Variants in DNAH11 observed in about 807,000 individuals in gnomAD.
The protein encoded by DNAH11 is dynein axonemal heavy chain 11.
A neutral mutation model predicts 526.0 loss-of-function variants in DNAH11; 442 were observed. That is an observed-to-expected ratio of 0.84 (90% CI 0.78 to 0.91). DNAH11 has a LOEUF of 0.91. DNAH11 is among the 40% of genes least tolerant of loss of function. The probability of loss-of-function intolerance (pLI) is 0.00; values close to 1 mark genes in which losing one functional copy is unlikely to be tolerated. For missense variants in DNAH11, 6,989 were observed against 5,448.7 expected (o/e 1.28, Z -8.90); for synonymous variants, 2,461 against 1,935.9 (o/e 1.27, Z -7.12).
chr7:21,847,360 C>G (rs1051170733), intron 66 of DNAH11, among the ~76,000 whole-genome samples: 4 of 152,136 alleles, frequency 2.6e-5, no homozygotes, highest in African/African-American at 7.2e-5. Context: ...TTTGCTGAAT[C>G]TCACAAATTT....
chr7:21,674,240 C>T (rs1583582606), intron 30 of DNAH11, among the ~76,000 whole-genome samples: 1 of 151,658 alleles, frequency 6.6e-6, no homozygotes, highest in Admixed American at 6.6e-5. Flanking sequence ...ATTTTTAGTA[C>T]AGACGAGGCT....
chr7:21,649,197 A>C (rs1787510065), intron 28 of DNAH11, among the ~76,000 whole-genome samples: 1 of 152,238 alleles, frequency 6.6e-6, no homozygotes, highest in South Asian at 2.1e-4. Context: ...CACCAGTATT[A>C]TAAGTTAGTA....
intron 42 of DNAH11, among the ~76,000 whole-genome samples, chr7:21,713,488 T>G (rs986361427): frequency 6.6e-6 from 1 of 152,184 alleles, no homozygotes. Flanking sequence ...ATTAAGGTTC[T>G]TTCCTTCCAG....
At chr7:21,628,943 A>G (rs373669735) in intron 25 of DNAH11, among the ~76,000 whole-genome samples, 1 of 151,884 alleles carries the variant, frequency 6.6e-6, no homozygotes, top group Non-Finnish European at 1.5e-5. Flanking sequence ...CCTTTTGCTA[A>G]TGTTCACTTG....
chr7:21,561,027 G>A (rs72655976), intron 4 of DNAH11, 44 bp from the exon 5 acceptor site: 18 of 1,331,276 alleles, frequency 1.4e-5, no homozygotes, highest in South Asian at 2.6e-5. Flanking sequence ...TTTAGTAATC[G>A]AGTTTATATT....
chr7:21,561,206 A>C (rs1246574377), intron 5 of DNAH11, 36 bp downstream of exon 5: 11 of 1,449,732 alleles, frequency 7.6e-6, no homozygotes, highest in Non-Finnish European at 9.5e-6. Context: ...CATCAATATC[A>C]CCATCTGCTC....
intron 9 of DNAH11, among the ~76,000 whole-genome samples, chr7:21,582,631 G>C (rs1243606615): frequency 6.6e-6 from 1 of 152,084 alleles, no homozygotes; most frequent in Non-Finnish European, 1.5e-5. Context: ...TAAAAGAAAA[G>C]CATCTCAATA....
chr7:21,761,044 G>A (rs1280979658), intron 54 of DNAH11, among the ~76,000 whole-genome samples: 1 of 152,126 alleles, frequency 6.6e-6, no homozygotes, highest in African/African-American at 2.4e-5. Flanking sequence ...TTCCCTCACA[G>A]TAATGTTCCT....
chr7:21,806,393 A>G (rs548757133), intron 62 of DNAH11, among the ~76,000 whole-genome samples: 25 of 152,250 alleles, frequency 1.6e-4, no homozygotes, highest in Non-Finnish European at 3.1e-4. Context: ...TAAATTTTAT[A>G]AAGAGGGCTA....
At chr7:21,836,540 A>G (rs1025305658) in intron 65 of DNAH11, among the ~76,000 whole-genome samples, 3 of 152,200 alleles carry the variant, frequency 2.0e-5, no homozygotes, top group Admixed American at 2.0e-4. Context: ...TGATAACCAC[A>G]TGCAGAAAAA....
chr7:21,865,586 A>T (rs1402707864), intron 70 of DNAH11, among the ~76,000 whole-genome samples: 13 of 152,162 alleles, frequency 8.5e-5, no homozygotes, highest in Non-Finnish European at 8.8e-5. Context: ...ACCTTAGAGG[A>T]TCTGTGGCCT....
intron 2 of DNAH11, among the ~76,000 whole-genome samples, chr7:21,548,700 A>G (rs1195513656): frequency 6.6e-6 from 1 of 152,142 alleles, no homozygotes; most frequent in African/African-American, 2.4e-5. Context: ...AAGCTGGGTA[A>G]TTGCCATTGC....
intron 44 of DNAH11, among the ~76,000 whole-genome samples, chr7:21,721,212 CCTT>C (rs1238551889): frequency 1.3e-5 from 2 of 152,224 alleles, no homozygotes; most frequent in African/African-American, 4.8e-5. Context: ...CCCTGCTCTT[CCTT>C]CTTTTCTTTT....
chr7:21,835,741 A>G (rs181778592), intron 65 of DNAH11, among the ~76,000 whole-genome samples: 1 of 152,210 alleles, frequency 6.6e-6, no homozygotes, highest in African/African-American at 2.4e-5. Flanking sequence ...ATTCAGCACA[A>G]TACTGGAAGT....
chr7:21,816,411 C>G (rs900045964), intron 63 of DNAH11, 56 bp from the exon 64 acceptor site: 4 of 1,362,278 alleles, frequency 2.9e-6, no homozygotes, highest in Non-Finnish European at 4.1e-6. Flanking sequence ...CTTTTCTTGT[C>G]TGTCTTCTCT....
At chr7:21,863,306 A>G (rs1046675791) in intron 69 of DNAH11, among the ~76,000 whole-genome samples, 1 of 152,220 alleles carries the variant, frequency 6.6e-6, no homozygotes, top group Non-Finnish European at 1.5e-5. Context: ...AAACAGGAGC[A>G]AGGCATTACA....
intron 66 of DNAH11, among the ~76,000 whole-genome samples, chr7:21,849,248 A>G (rs1479524135): frequency 1.3e-5 from 2 of 152,120 alleles, no homozygotes; most frequent in East Asian, 1.9e-4. Context: ...TTAATAGACT[A>G]TTCTCATTTC....
Position 21,570,254 on chromosome 7 carries a change from G to A in DNAH11, c.1380G>A (p.Val460=). The A allele has an allele frequency of 6.2e-7, 1 of 1,611,626 alleles. No individual in the cohort carries two copies. Among genetic ancestry groups the A allele is most frequent in the Non-Finnish European group, 8.5e-7 (1 of 1,179,328 alleles). Residue 460 remains valine, a synonymous_variant, in exon 7 of 82, where the codon GTG becomes GTA. Coordinates refer to ENST00000409508, the MANE Select transcript of DNAH11 (RefSeq NM_001277115.2). ...CATGGGATTTCCAGTCTCATCTGGT[G>A]TTTTGCAGATTTGACAAGTTTCTTG... is the stretch of plus-strand genomic sequence containing the variant. ...LRPWDFQSHL[V]FCRFDKFLDR...
chr7:21,735,586 G>A (rs72657358), intron 45 of DNAH11, 54 bp from the exon 46 acceptor site: 59 of 1,502,024 alleles, frequency 3.9e-5, no homozygotes, highest in Admixed American at 1.0e-4. Flanking sequence ...CCTCTCTCTC[G>A]CACGCACTCT....
Sources: gnomAD v4.1 joint callset for allele counts (sites outside exome capture counted in the v4.1 genomes callset) on GRCh38, gnomAD v4.1.1 for gene constraint, MANE v1.5 for transcripts, NCBI Gene and HGNC (gene_info 2026-07-23, HGNC 2026-07-21) for gene names.